ATG4B: variants seen among roughly 807,000 people sequenced by gnomAD.
ATG4B encodes autophagy related 4B cysteine peptidase.
Under a neutral mutation model 56.6 loss-of-function variants are expected in ATG4B, and 29 were observed. The observed-to-expected ratio is 0.51, with a 90% CI of 0.38 to 0.70. The LOEUF (loss-of-function observed/expected upper bound fraction) is 0.70. Ranked by LOEUF, ATG4B falls within the 30% of genes least tolerant of loss-of-function variation. ATG4B has a pLI of 0.00. For missense variants in ATG4B, 461 were observed against 515.5 expected (o/e 0.89, Z 1.02); for synonymous variants, 224 against 206.1 (o/e 1.09, Z -0.74).
chr2:241,665,857 GTGC>G (rs1391407929), intron 7 of ATG4B, among the ~76,000 whole-genome samples: 2 of 152,180 alleles, frequency 1.3e-5, no homozygotes, highest in African/African-American at 4.8e-5. Context: ...AGTGTGCAGT[GTGC>G]TACCTGTCAC....
At position 241,659,143 on chromosome 2, in the gene ATG4B, C is replaced by A. The variant is rs746223694; in HGVS notation, c.494C>A (p.Ala165Glu). 2 of 1,612,614 alleles carry A rather than the reference C, an allele frequency of 1.2e-6. No individual in the cohort carries two copies. The highest frequency in any genetic ancestry group is 1.3e-5 in the African/African-American group (1 of 75,052). ...GTCTTCGATACGTGGAGCTCCTTGG[C>A]GGTCCACATTGCAATGGACAACACT... ...LAVFDTWSSL[A>E]VHIAMDNTVV... Residue 165 changes from alanine (A) to glutamate (E), a missense_variant, in exon 7 of 13, where the codon GCG (alanine) becomes GAG (glutamate). Ala to Glu is a moderately radical substitution (Grantham distance 107). Coordinates refer to ENST00000404914, the MANE Select transcript of ATG4B (RefSeq NM_013325.5).
intron 1 of ATG4B, chr2:241,638,439 C>T (rs1031295115): frequency 6.6e-6 from 1 of 151,950 alleles, no homozygotes; most frequent in Non-Finnish European, 1.5e-5. Flanking sequence ...TCCATTTTTG[C>T]TAGCAAGATT....
chr2:241,638,574 A>G (rs1299589044), intron 1 of ATG4B, among the ~76,000 whole-genome samples: 1 of 152,246 alleles, frequency 6.6e-6, no homozygotes, highest in Non-Finnish European at 1.5e-5. Context: ...CCCCATCTGT[A>G]AAGAAAGATT....
rs1424671741 is a variant in ATG4B, at chr2:241,651,133, A to C, written c.112+22A>C. ...ACAGGTATCGGCCATGCTGGAGCCCACCCTGGTCTGACCGCTTGGCCTGCA... is the reference window on the plus strand; with the variant it reads ...ACAGGTATCGGCCATGCTGGAGCCCCCCCTGGTCTGACCGCTTGGCCTGCA... On this transcript the variant is annotated intron_variant, in intron 2 of 12. Transcript: ENST00000404914. This position sits in a 1 kb window ranked among gnomAD's most constrained non-coding sequence, Gnocchi z 4.1. 1 of 1,602,246 alleles carries C rather than the reference A, an allele frequency of 6.2e-7. No homozygotes were observed. Among genetic ancestry groups the C allele is most frequent in the South Asian group, 1.1e-5 (1 of 89,698 alleles).
At chr2:241,663,704 G>C (rs1368316682) in intron 7 of ATG4B, among the ~76,000 whole-genome samples, 1 of 152,192 alleles carries the variant, frequency 6.6e-6, no homozygotes, top group East Asian at 1.9e-4. Flanking sequence ...TATTAGGCCA[G>C]GTGTAGTGGC....
intron 6 of ATG4B, chr2:241,655,589 G>A (rs1559259492): frequency 1.8e-6 from 1 of 544,660 alleles, no homozygotes; most frequent in East Asian, 3.2e-5. Context: ...TTTGCTGCAT[G>A]GATCCACCTG....
At chr2:241,653,713 AAGTAG>A in intron 4 of ATG4B, 103 bp downstream of exon 4, 1 of 982,776 alleles carries the variant, frequency 1.0e-6, no homozygotes, top group African/African-American at 1.6e-5. Context: ...GTAAAACAGT[AAGTAG>A]AACTTGGGGG....
At chr2:241,637,982 C>G (rs888572142) in intron 1 of ATG4B, among the ~76,000 whole-genome samples, 73 of 151,728 alleles carry the variant, frequency 4.8e-4, no homozygotes, top group Non-Finnish European at 9.6e-4. Flanking sequence ...CCGGTCCCGT[C>G]CGGAGCGCTC....
At chr2:241,659,266 G>A (rs749472134) in intron 7 of ATG4B, 79 bp downstream of exon 7, 5 of 1,309,834 alleles carry the variant, frequency 3.8e-6, no homozygotes, top group East Asian at 2.4e-5. Flanking sequence ...GAGTCCCCAC[G>A]GGAGCCTCGG....
intron 1 of ATG4B, among the ~76,000 whole-genome samples, chr2:241,643,489 G>A (rs931655697): frequency 1.3e-5 from 2 of 150,536 alleles, no homozygotes; most frequent in African/African-American, 4.9e-5. Context: ...TTACAGGCAT[G>A]AGCCACGGCA....
At chr2:241,661,459 C>T (rs2068590950) in intron 7 of ATG4B, among the ~76,000 whole-genome samples, 1 of 152,102 alleles carries the variant, frequency 6.6e-6, no homozygotes, top group Admixed American at 6.6e-5. Flanking sequence ...CTGCTTTTTT[C>T]AGTCGTGCTG....
At chr2:241,652,284 G>A (rs1385897271) in intron 3 of ATG4B, among the ~76,000 whole-genome samples, 1 of 152,230 alleles carries the variant, frequency 6.6e-6, no homozygotes, top group African/African-American at 2.4e-5. Flanking sequence ...CAGCTGCGCT[G>A]AACCTGCTCT....
At position 241,673,443 on chromosome 2, in the gene ATG4B, G is replaced by C; in HGVS notation, c.*1179G>C. ...ACTTTTCTCATGAGCAGCTACTGCGGCGTTGGCAGGACTCGCTGCTGCTGC... is the reference window on the plus strand; with the variant it reads ...ACTTTTCTCATGAGCAGCTACTGCGCCGTTGGCAGGACTCGCTGCTGCTGC... On this transcript the variant is annotated 3_prime_UTR_variant, in exon 13 of 13. Transcript: ENST00000404914. The C allele has an allele frequency of 2.5e-6, 1 of 394,050 alleles. No individual in the cohort carries two copies. Among genetic ancestry groups the C allele is most frequent in the Non-Finnish European group, 5.2e-6 (1 of 193,234 alleles). 24.4% of individuals were successfully genotyped at this position (394,050 alleles called of 1,614,324 possible).
At chr2:241,652,521 A>G (rs1202605068) in intron 3 of ATG4B, among the ~76,000 whole-genome samples, 1 of 152,134 alleles carries the variant, frequency 6.6e-6, no homozygotes, top group African/African-American at 2.4e-5. Flanking sequence ...ATAATTTTTT[A>G]AAATTATTAC....
Position 241,655,234 on chromosome 2 carries a change from C to T in ATG4B, c.386-37C>T, listed in dbSNP as rs141953903. ...TGCCACCAGAGGTCAGGGCTGGGGGCGGGTGTGTGTTGCTAATGTGTATCT... is the reference window on the plus strand; with the variant it reads ...TGCCACCAGAGGTCAGGGCTGGGGGTGGGTGTGTGTTGCTAATGTGTATCT... On this transcript the variant is annotated intron_variant, in intron 5 of 12. Coordinates refer to ENST00000404914, the MANE Select transcript of ATG4B (RefSeq NM_013325.5). 212 of 1,582,896 alleles carry T rather than the reference C, an allele frequency of 1.3e-4. 1 individual carries two copies. The Middle Eastern group carries it at 2.0e-3, about 15-fold the overall frequency.
chr2:241,662,764 C>T (rs956425309), intron 7 of ATG4B, among the ~76,000 whole-genome samples: 1 of 151,804 alleles, frequency 6.6e-6, no homozygotes, highest in Non-Finnish European at 1.5e-5. Flanking sequence ...TGGCTCACGC[C>T]TATAATCCCA....
chr2:241,655,001 A>G, intron 5 of ATG4B: 1 of 578,152 alleles, frequency 1.7e-6, no homozygotes. Flanking sequence ...TCTTGCAAGC[A>G]AGGCCGGCTT....
chr2:241,637,902 G>A, intron 1 of ATG4B, 178 bp downstream of exon 1: 1 of 165,930 alleles, frequency 6.0e-6, no homozygotes, highest in Non-Finnish European at 1.3e-5. Flanking sequence ...TGGGCGGTGG[G>A]AGCGGGAGGG....
At chr2:241,660,659 T>G (rs2068562837) in intron 7 of ATG4B, among the ~76,000 whole-genome samples, 1 of 152,226 alleles carries the variant, frequency 6.6e-6, no homozygotes, top group South Asian at 2.1e-4. Context: ...ATGAGCATTT[T>G]GACATTCTTA....
Sources: gnomAD v4.1 joint callset for allele counts (sites outside exome capture counted in the v4.1 genomes callset) on GRCh38, gnomAD v4.1.1 for gene constraint, Gnocchi (gnomAD v3.1) non-coding constraint, MANE v1.5 for transcripts, NCBI Gene and HGNC (gene_info 2026-07-23, HGNC 2026-07-21) for gene names.